The following PLET1 variants were observed in gnomAD, a reference collection of about 807,000 sequenced individuals.
PLET1 encodes the protein placenta-expressed transcript 1 protein.
Under a neutral mutation model 18.5 loss-of-function variants are expected in PLET1, and 20 were observed. The ratio of observed to expected loss-of-function variants is 1.08; its 90% confidence interval spans 0.76 to 1.57. PLET1 has a LOEUF of 1.57. PLET1 is among the 40% of genes most tolerant of loss of function. The pLI is 0.00. For synonymous variants in PLET1, 93 were observed against 93.8 expected (o/e 0.99, Z 0.05); for missense variants, 256 against 246.4 (o/e 1.04, Z -0.26).
rs530532132 is a variant in PLET1, at chr11:112,252,277, A to C, written c.448+71T>G. Reference sequence around the variant, plus strand: ...GTAAGAAGACCCTCTTTTCTAGGGAACCCACAAGGTAATTTTCCAGGCTGA... The same window carrying C: ...GTAAGAAGACCCTCTTTTCTAGGGACCCCACAAGGTAATTTTCCAGGCTGA... On this transcript the variant is annotated intron_variant, in intron 3 of 3. Coordinates refer to ENST00000338832, the MANE Select transcript of PLET1 (RefSeq NM_001145024.1). The C allele has an allele frequency of 1.0e-3, 1,385 of 1,366,598 alleles. 2 individuals carry two copies. Among genetic ancestry groups the C allele is most frequent in the South Asian group, 1.4e-3 (111 of 80,192 alleles). 84.7% of individuals were successfully genotyped at this position (1,366,598 alleles called of 1,614,324 possible).
At chr11:112,250,778 G>A (rs1204489244) in intron 3 of PLET1, among the ~76,000 whole-genome samples, 5 of 152,044 alleles carry the variant, frequency 3.3e-5, no homozygotes, top group African/African-American at 4.8e-5. Flanking sequence ...ACGCTCTATC[G>A]GGATCTGATA....
At chr11:112,259,128 A>C (rs1457467995) in intron 1 of PLET1, among the ~76,000 whole-genome samples, 2 of 152,218 alleles carry the variant, frequency 1.3e-5, no homozygotes, top group Non-Finnish European at 2.9e-5. Flanking sequence ...TCTGTGCCTC[A>C]GTTCTTGTCT....
chr11:112,258,658 C>G (rs1448785295), intron 1 of PLET1, among the ~76,000 whole-genome samples: 1 of 152,132 alleles, frequency 6.6e-6, no homozygotes, highest in African/African-American at 2.4e-5. Flanking sequence ...GCCAGAGGCT[C>G]GTGATCTCTT....
At chr11:112,256,251 T>C (rs1031886023) in intron 1 of PLET1, among the ~76,000 whole-genome samples, 14 of 152,214 alleles carry the variant, frequency 9.2e-5, no homozygotes, top group African/African-American at 3.4e-4. Flanking sequence ...AAAGAAAATA[T>C]CTGTCTCTCC....
At chr11:112,255,894 T>TA (rs1860220231) in intron 1 of PLET1, among the ~76,000 whole-genome samples, 1 of 152,232 alleles carries the variant, frequency 6.6e-6, no homozygotes, top group East Asian at 1.9e-4. Flanking sequence ...CATACTCAGC[T>TA]CTGGTTTTGC....
At chr11:112,255,226 TGGAA>T (rs1484429839) in intron 2 of PLET1, among the ~76,000 whole-genome samples, 158 bp downstream of exon 2, 2 of 150,780 alleles carry the variant, frequency 1.3e-5, no homozygotes, top group Middle Eastern at 3.2e-3. Context: ...CGCCTATAGA[TGGAA>T]GGGATGGTAG....
chr11:112,253,686 T>C (rs1381130805), intron 2 of PLET1, among the ~76,000 whole-genome samples: 2 of 152,188 alleles, frequency 1.3e-5, no homozygotes. Context: ...GTAGCTCCCA[T>C]TGGGTTCTAC....
Position 112,260,613 on chromosome 11 carries a change from C to G in PLET1, c.-24G>C, listed in dbSNP as rs1221608416. 1 of 1,541,476 alleles carries G rather than the reference C, an allele frequency of 6.5e-7. No homozygotes were observed. The highest frequency in any genetic ancestry group is 2.4e-5 in the East Asian group (1 of 40,894). ...ATGGTCTCAGTCTGTTTGGAAAGTG[C>G]TAGGCCTGGAATTGGGTGAAACTGA... On this transcript the variant is annotated 5_prime_UTR_variant, in exon 1 of 4. Transcript: ENST00000338832.
At chr11:112,255,626 T>C in intron 1 of PLET1, 37 bp from the exon 2 acceptor site, 2 of 1,534,668 alleles carry the variant, frequency 1.3e-6, no homozygotes, top group Non-Finnish European at 8.8e-7. Flanking sequence ...CAGCCATCTG[T>C]TCCCTCTGAG....
intron 2 of PLET1, among the ~76,000 whole-genome samples, chr11:112,254,190 G>GGTGTGT (rs60070587): frequency 0.32 from 44,489 of 140,814 alleles, 7,805 homozygotes; most frequent in Non-Finnish European, 0.39. Context: ...GAGCATAAGT[G>GGTGTGT]GTGTGTGTGT....
At chr11:112,254,362 GGT>G (rs1860190121) in intron 2 of PLET1, among the ~76,000 whole-genome samples, 1 of 145,464 alleles carries the variant, frequency 6.9e-6, no homozygotes, top group Non-Finnish European at 1.5e-5. Context: ...GTATTTGTAT[GGT>G]GTGTGTGGTG....
intron 2 of PLET1, among the ~76,000 whole-genome samples, chr11:112,254,263 GTGTC>G (rs1451669831): frequency 7.1e-6 from 1 of 140,920 alleles, no homozygotes; most frequent in Non-Finnish European, 1.5e-5. Context: ...TGTGCGTGTG[GTGTC>G]TGTAAGGTGT....
intron 1 of PLET1, among the ~76,000 whole-genome samples, 178 bp from the exon 2 acceptor site, chr11:112,255,767 A>G (rs1860219097): frequency 6.6e-6 from 1 of 152,232 alleles, no homozygotes; most frequent in Non-Finnish European, 1.5e-5. Context: ...AAATACATCA[A>G]GATATTAATT....
intron 1 of PLET1, among the ~76,000 whole-genome samples, chr11:112,259,270 C>A (rs1160888489): frequency 6.6e-6 from 1 of 152,198 alleles, no homozygotes; most frequent in Non-Finnish European, 1.5e-5. Flanking sequence ...TGGTTCATAT[C>A]TTACCTTCAC....
At chr11:112,258,932 G>A (rs1176781131) in intron 1 of PLET1, among the ~76,000 whole-genome samples, 1 of 152,218 alleles carries the variant, frequency 6.6e-6, no homozygotes, top group African/African-American at 2.4e-5. Flanking sequence ...TAGACTATGA[G>A]TGTGGAGATC....
At chr11:112,254,326 T>C (rs61070452) in intron 2 of PLET1, among the ~76,000 whole-genome samples, 5,099 of 110,568 alleles carry the variant, frequency 0.046, 138 homozygotes, top group African/African-American at 0.092. Flanking sequence ...ATGTGGTGTG[T>C]GGGGGTGGTG....
intron 3 of PLET1, among the ~76,000 whole-genome samples, chr11:112,249,799 A>C (rs966231321): frequency 2.0e-5 from 3 of 151,914 alleles, no homozygotes; most frequent in Non-Finnish European, 4.4e-5. Context: ...TCTACTAAAA[A>C]TACAAAAATT....
intron 2 of PLET1, 47 bp downstream of exon 2, chr11:112,255,341 C>T: frequency 1.3e-6 from 2 of 1,522,376 alleles, no homozygotes; most frequent in East Asian, 4.9e-5. Flanking sequence ...TGCATAAACC[C>T]AATATGAAAA....
intron 2 of PLET1, among the ~76,000 whole-genome samples, 162 bp from the exon 3 acceptor site, chr11:112,252,571 A>C (rs1377311883): frequency 6.6e-6 from 1 of 152,158 alleles, no homozygotes; most frequent in East Asian, 1.9e-4. Context: ...TTTGATTGAT[A>C]AGATCCTCCA....
Sources: allele counts gnomAD v4.1 joint callset (sites outside exome capture counted in the v4.1 genomes callset), GRCh38; gene constraint gnomAD v4.1.1; transcripts MANE v1.5; gene names NCBI Gene and HGNC (gene_info 2026-07-23, HGNC 2026-07-21).